The following SORCS2 variants were observed in gnomAD, a reference collection of about 807,000 sequenced individuals.
SORCS2 encodes the protein sortilin related VPS10 domain containing receptor 2.
A neutral mutation model predicts 141.6 loss-of-function variants in SORCS2; 100 were observed. The observed-to-expected ratio is 0.71, with a 90% CI of 0.60 to 0.83. The LOEUF (loss-of-function observed/expected upper bound fraction) is 0.83, where lower values mean the gene tolerates loss of function less well. Ranked by LOEUF, SORCS2 falls within the 40% of genes least tolerant of loss-of-function variation. SORCS2 has a pLI of 0.00. For missense variants in SORCS2, 1,646 were observed against 1,560.2 expected, an observed-to-expected ratio of 1.05 and a Z score of -0.93; for synonymous variants, 789 against 676.9, an observed-to-expected ratio of 1.17 and a Z score of -2.57.
At chr4:7,206,701 G>A (rs1727762113) in intron 1 of SORCS2, among the ~76,000 whole-genome samples, 1 of 152,142 alleles carries the variant, frequency 6.6e-6, no homozygotes, top group Non-Finnish European at 1.5e-5. Context: ...TGACACCCAC[G>A]CCTCCATGGT....
At chr4:7,316,349 G>C (rs766395873) in intron 1 of SORCS2, among the ~76,000 whole-genome samples, 3 of 152,316 alleles carry the variant, frequency 2.0e-5, no homozygotes, top group Middle Eastern at 3.4e-3. Flanking sequence ...ACACTGTGCT[G>C]TGTGTCTGGG....
chr4:7,729,671 C>T lies in SORCS2; in HGVS notation c.3067C>T (p.Pro1023Ser). ...GGCCGATCTGTACGTGCTCCTGCCC[C>T]CTCCCAGGCCCACAAGGAAGAGGAG... ...TLADLYVLLP[P>S]PRPTRKRSLS... is the part of the protein sequence containing the mutation. Residue 1023 changes from proline to serine, a missense_variant, in exon 23 of 27, where the codon CCT becomes TCT. Pro to Ser is a moderately conservative substitution (Grantham distance 74, BLOSUM62 -1). Coordinates refer to ENST00000507866, the MANE Select transcript of SORCS2 (RefSeq NM_020777.3). The T allele has an allele frequency of 1.9e-6, 3 of 1,609,086 alleles. No individual in the cohort carries two copies. Among genetic ancestry groups the T allele is most frequent in the South Asian group, 2.2e-5 (2 of 89,650 alleles).
chr4:7,596,129 G>A (rs564805865), intron 3 of SORCS2, among the ~76,000 whole-genome samples: 5 of 152,234 alleles, frequency 3.3e-5, no homozygotes, highest in East Asian at 1.9e-4. Flanking sequence ...TGCTGCTATC[G>A]GAAGACATAA....
At chr4:7,721,442 G>C (rs1451933579) in intron 18 of SORCS2, among the ~76,000 whole-genome samples, 2 of 152,072 alleles carry the variant, frequency 1.3e-5, no homozygotes, top group Non-Finnish European at 2.9e-5. Flanking sequence ...CTCCAGCCTG[G>C]GCAACAGAGT....
rs150857647 is a variant in SORCS2, at chr4:7,663,114, ATGAG to A, written c.953-1232_953-1229del. Among the ~76,000 whole-genome samples the A allele has an allele frequency of 1.1e-3, 164 of 151,236 alleles. No homozygotes were observed. The highest frequency in any genetic ancestry group is 1.9e-3 in the Non-Finnish European group (128 of 67,832). On this transcript the variant is annotated intron_variant, in intron 6 of 26. Transcript: ENST00000507866. The surrounding 1 kb of genome is among the most constrained non-coding windows in gnomAD (Gnocchi z 4.8). The stretch of plus-strand genomic sequence containing the variant: ...AGTGAATGAGTAAGTGAATGAGAGA[ATGAG>A]TGAGTGGGTGAATAAGTGAGTGAGT...
At chr4:7,502,089 C>T (rs1246997459) in intron 2 of SORCS2, among the ~76,000 whole-genome samples, 2 of 152,176 alleles carry the variant, frequency 1.3e-5, no homozygotes, top group Non-Finnish European at 2.9e-5. Context: ...GAGGGGAGGG[C>T]GTTTCTGTCA....
At chr4:7,246,027 C>T (rs1464688733) in intron 1 of SORCS2, among the ~76,000 whole-genome samples, 1 of 152,194 alleles carries the variant, frequency 6.6e-6, no homozygotes, top group Non-Finnish European at 1.5e-5. Flanking sequence ...TTCTGTCAGT[C>T]AGAAAGGGAT....
chr4:7,512,079 T>C (rs1213928876), intron 2 of SORCS2, among the ~76,000 whole-genome samples: 4 of 152,100 alleles, frequency 2.6e-5, no homozygotes, highest in African/African-American at 9.7e-5. Flanking sequence ...TGAGTCACAT[T>C]CTGGAATCAA....
rs533560418 is a variant in SORCS2, at chr4:7,264,961, G to A, written c.480+71835G>A. Among the ~76,000 whole-genome samples the A allele has an allele frequency of 5.2e-4, 79 of 152,332 alleles. 2 individuals carry two copies. The South Asian group carries it at 6.8e-3, about 13-fold the overall frequency. ...CTCATGCCATCATTCCCGCCTGGCC[G>A]CTCCTCCAGCATTGCTGTCCCTCAG... On this transcript the variant is annotated intron_variant, in intron 1 of 26. Coordinates refer to ENST00000507866, the MANE Select transcript of SORCS2 (RefSeq NM_020777.3).
intron 2 of SORCS2, among the ~76,000 whole-genome samples, chr4:7,471,947 T>C (rs945495721): frequency 6.6e-6 from 1 of 152,178 alleles, no homozygotes; most frequent in African/African-American, 2.4e-5. Flanking sequence ...TGTAGCCTAG[T>C]GGATTAGAAC....
chr4:7,260,013 C>T (rs765054289), intron 1 of SORCS2, among the ~76,000 whole-genome samples: 51 of 152,354 alleles, frequency 3.3e-4, no homozygotes, highest in Non-Finnish European at 6.3e-4. Context: ...CCTGCATCTG[C>T]GCTGCTGCTG....
chr4:7,539,871 A>C (rs1379175805), intron 3 of SORCS2, among the ~76,000 whole-genome samples: 25 of 83,080 alleles, frequency 3.0e-4, no homozygotes, highest in East Asian at 7.4e-4. Flanking sequence ...TGGAAGCCCC[A>C]TCCCCTCCCT....
chr4:7,607,079 C>G (rs910101514), intron 3 of SORCS2, among the ~76,000 whole-genome samples: 2 of 152,200 alleles, frequency 1.3e-5, no homozygotes, highest in Non-Finnish European at 2.9e-5. Flanking sequence ...TCTGCCATCT[C>G]TTTGCCGACA....
intron 2 of SORCS2, among the ~76,000 whole-genome samples, chr4:7,399,482 C>T (rs761439898): frequency 2.0e-5 from 3 of 152,160 alleles, no homozygotes; most frequent in Non-Finnish European, 2.9e-5. Context: ...TTTGACGGGC[C>T]GCATGTCAGC....
At chr4:7,466,814 A>G (rs1308561891) in intron 2 of SORCS2, among the ~76,000 whole-genome samples, 3 of 152,060 alleles carry the variant, frequency 2.0e-5, no homozygotes, top group Non-Finnish European at 4.4e-5. Flanking sequence ...GGGTGCTGGG[A>G]GGCATAGGCA....
At position 7,641,811 on chromosome 4, in the gene SORCS2, TGGATGG is replaced by T. The variant is rs1387796217; in HGVS notation, c.813+3321_813+3326del. ...ATGGATGGATGGATGGATGGATGGATGGATGGGTGGGTGGATGGATGGATGGGTGGA... is the reference window on the plus strand; with the variant it reads ...ATGGATGGATGGATGGATGGATGGATGTGGGTGGATGGATGGATGGGTGGA... On this transcript the variant is annotated intron_variant, in intron 4 of 26. Transcript: ENST00000507866. 7.5e-5 allele frequency among the ~76,000 whole-genome samples: 10 copies of T among 133,232 alleles called. No homozygotes were observed. In the South Asian group the frequency reaches 1.9e-3, roughly 25 times the overall value. The allele number at this position is 133,232 out of a possible 152,430, so 87.4% of individuals were successfully genotyped here.
At chr4:7,563,065 A>C (rs1036799210) in intron 3 of SORCS2, among the ~76,000 whole-genome samples, 1 of 152,194 alleles carries the variant, frequency 6.6e-6, no homozygotes, top group Non-Finnish European at 1.5e-5. Flanking sequence ...AGAAATTCCT[A>C]GTTCCCTGGT....
intron 4 of SORCS2, among the ~76,000 whole-genome samples, chr4:7,640,411 A>G (rs1162589982): frequency 1.5e-5 from 1 of 67,560 alleles, no homozygotes; most frequent in African/African-American, 5.9e-5. Flanking sequence ...TGTGTGGGTG[A>G]GTGTGTGTGA....
chr4:7,629,919 A>G (rs1313238446), intron 3 of SORCS2, among the ~76,000 whole-genome samples: 1 of 151,832 alleles, frequency 6.6e-6, no homozygotes, highest in African/African-American at 2.4e-5. Context: ...GTGCTCTTGT[A>G]TTTCCCCGTT....
Sources: gnomAD v4.1 joint callset for allele counts (sites outside exome capture counted in the v4.1 genomes callset) on GRCh38, gnomAD v4.1.1 for gene constraint, Gnocchi (gnomAD v3.1) non-coding constraint, MANE v1.5 for transcripts, NCBI Gene and HGNC (gene_info 2026-07-23, HGNC 2026-07-21) for gene names.